SRD5A3: variants seen among roughly 807,000 people sequenced by gnomAD.
The protein encoded by SRD5A3 is polyprenal reductase.
Under a neutral mutation model 34.3 loss-of-function variants are expected in SRD5A3, and 24 were observed. The ratio of observed to expected loss-of-function variants is 0.70; its 90% CI spans 0.51 to 0.99. The LOEUF (loss-of-function observed/expected upper bound fraction) is 0.99. Ranked by LOEUF, SRD5A3 falls within the 50% of genes least tolerant of loss-of-function variation. The pLI is 0.00. For synonymous variants in SRD5A3, 161 were observed against 167.3 expected (o/e 0.96, Z 0.29); for missense variants, 350 against 388.2 (o/e 0.90, Z 0.83).
chr4:55,363,474 A>G (rs1182660683), intron 2 of SRD5A3, among the ~76,000 whole-genome samples: 1 of 152,192 alleles, frequency 6.6e-6, no homozygotes, highest in East Asian at 1.9e-4. Flanking sequence ...CCAAAAAATA[A>G]AAAACAAAAA....
rs1720078253 is a variant in SRD5A3 at position 55,370,357 on chromosome 4, TA to T, written c.*271del. 2.0e-6 allele frequency: 1 copy of T among 501,174 alleles called. No homozygotes were observed. Among genetic ancestry groups the T allele is most frequent in the Non-Finnish European group, 3.6e-6 (1 of 279,502 alleles). The allele number at this position is 501,174 out of a possible 1,614,324, so 31.0% of individuals were successfully genotyped here. On this transcript the variant is annotated 3_prime_UTR_variant, in exon 5 of 5. Transcript: ENST00000264228. The stretch of plus-strand genomic sequence containing the variant: ...ATGCTTTCTAAAACCAACCAACTGA[TA>T]AAAAGTAGATGAGACTTCTCCAAGC...
At position 55,370,470 on chromosome 4, in the gene SRD5A3, C is replaced by G; in HGVS notation, c.*379C>G. 1 of 261,388 alleles carries G rather than the reference C, an allele frequency of 3.8e-6. No homozygotes were observed. The highest frequency in any genetic ancestry group is 7.2e-6 in the Non-Finnish European group (1 of 139,316). The allele number at this position is 261,388 out of a possible 1,614,324, so 16.2% of individuals were successfully genotyped here. On this transcript the variant is annotated 3_prime_UTR_variant, in exon 5 of 5. Transcript: ENST00000264228. ...ACACACACACACACACACACACACACACAAAGGAAGATCATCAATGGCTGC... is the reference window on the plus strand; with the variant it reads ...ACACACACACACACACACACACACAGACAAAGGAAGATCATCAATGGCTGC...
intron 4 of SRD5A3, 53 bp from the exon 5 acceptor site, chr4:55,369,779 A>G: frequency 1.2e-6 from 2 of 1,606,642 alleles, no homozygotes; most frequent in Non-Finnish European, 1.7e-6. Flanking sequence ...GAAGTGGTGA[A>G]ACTTTCTTTT....
chr4:55,347,041 C>T (rs1476605265), intron 1 of SRD5A3, among the ~76,000 whole-genome samples: 2 of 152,220 alleles, frequency 1.3e-5, no homozygotes, highest in Admixed American at 1.3e-4. Flanking sequence ...CCCCGTTTCT[C>T]TTCCCAACCC....
intron 1 of SRD5A3, among the ~76,000 whole-genome samples, chr4:55,354,379 C>T (rs148594091): frequency 4.3e-4 from 65 of 152,212 alleles, no homozygotes; most frequent in African/African-American, 1.3e-3. Context: ...ACAGGCCTGA[C>T]GCACCGCGCT....
Position 55,346,402 on chromosome 4 carries a change from G to A in SRD5A3, c.66G>A (p.Leu22=), listed in dbSNP as rs1343641854. 1 of 1,589,530 alleles carries A rather than the reference G, an allele frequency of 6.3e-7. No homozygotes were observed. Residue 22 remains leucine, a synonymous_variant, in exon 1 of 5, where the codon CTG becomes CTA. Transcript: ENST00000264228. ...LNPLRAVWLT[L]TAAFLLTLLL... is the part of the protein sequence containing the mutation. Reference sequence around the variant, plus strand: ...CGCTGCGCGCGGTGTGGCTCACGCTGACCGCCGCCTTCCTGCTGACCCTAC... The same window carrying A: ...CGCTGCGCGCGGTGTGGCTCACGCTAACCGCCGCCTTCCTGCTGACCCTAC...
At chr4:55,353,783 AC>A (rs1288072386) in intron 1 of SRD5A3, among the ~76,000 whole-genome samples, 1 of 152,206 alleles carries the variant, frequency 6.6e-6, no homozygotes, top group African/African-American at 2.4e-5. Context: ...GTCAAGCGCA[AC>A]ACAAACCCAC....
intron 2 of SRD5A3, among the ~76,000 whole-genome samples, chr4:55,362,101 C>T (rs73149762): frequency 0.034 from 5,086 of 151,472 alleles, 277 homozygotes; most frequent in African/African-American, 0.12. Context: ...CGTGCCTACA[C>T]TAGGGGGTGC....
At chr4:55,369,795 C>G (rs778128730) in intron 4 of SRD5A3, 37 bp from the exon 5 acceptor site, 1 of 1,613,120 alleles carries the variant, frequency 6.2e-7, no homozygotes, top group Non-Finnish European at 8.5e-7. Context: ...CTTTTCAAAC[C>G]TTTAAATGCT....
At chr4:55,353,814 A>G (rs1719313893) in intron 1 of SRD5A3, among the ~76,000 whole-genome samples, 1 of 152,176 alleles carries the variant, frequency 6.6e-6, no homozygotes, top group Non-Finnish European at 1.5e-5. Context: ...GAAACTCCAG[A>G]CACATCTGAA....
intron 1 of SRD5A3, among the ~76,000 whole-genome samples, chr4:55,350,649 TG>T (rs1303614106): frequency 6.6e-6 from 1 of 152,200 alleles, no homozygotes; most frequent in Non-Finnish European, 1.5e-5. Context: ...AATTTTGAAA[TG>T]TATAACACTC....
At chr4:55,363,570 A>G (rs73149767) in intron 2 of SRD5A3, among the ~76,000 whole-genome samples, 3,230 of 152,330 alleles carry the variant, frequency 0.021, 120 homozygotes, top group African/African-American at 0.074. Flanking sequence ...AAGACAGGTG[A>G]GGAAGTAGAT....
rs1719600394 is a variant in SRD5A3 at position 55,359,553 on chromosome 4, G to A, written c.364+65G>A. On this transcript the variant is annotated intron_variant, in intron 2 of 4. Transcript: ENST00000264228. The stretch of plus-strand genomic sequence containing the variant: ...TTCTGTTGTTCCTGTCTGCAAGGGA[G>A]CAGTTTTTGGCATTTTGTCTCCTCT... 8 of 1,606,080 alleles carry A rather than the reference G, an allele frequency of 5.0e-6. No homozygotes were observed. In the South Asian group the frequency reaches 7.7e-5, roughly 15 times the overall value.
chr4:55,362,131 C>CTTTTT (rs11356354), intron 2 of SRD5A3, among the ~76,000 whole-genome samples: 1 of 142,818 alleles, frequency 7.0e-6, no homozygotes, highest in African/African-American at 2.6e-5. Flanking sequence ...TCTGTTTCTT[C>CTTTTT]TTTTTTTTTT....
chr4:55,347,164 A>G (rs980907474), intron 1 of SRD5A3, among the ~76,000 whole-genome samples: 2 of 152,248 alleles, frequency 1.3e-5, no homozygotes, highest in Non-Finnish European at 2.9e-5. Context: ...GCTCCATTTG[A>G]CTTTCGAAAA....
chr4:55,368,734 ATTTAT>A (rs1426780165), intron 4 of SRD5A3, among the ~76,000 whole-genome samples: 3 of 144,204 alleles, frequency 2.1e-5, no homozygotes, highest in Non-Finnish European at 4.5e-5. Context: ...CCTATTATTT[ATTTAT>A]TTTATTTATT....
chr4:55,358,408 A>G (rs1459579320), intron 1 of SRD5A3, among the ~76,000 whole-genome samples: 1 of 151,948 alleles, frequency 6.6e-6, no homozygotes, highest in East Asian at 1.9e-4. Flanking sequence ...GACTACTACA[A>G]GCCTGTGGTC....
At chr4:55,365,525 A>G (rs1459430229) in intron 3 of SRD5A3, 1 of 152,276 alleles carries the variant, frequency 6.6e-6, no homozygotes, top group Non-Finnish European at 1.5e-5. Flanking sequence ...CCTGGTGGGC[A>G]GTGCTGGTTC....
Position 55,359,508 on chromosome 4 carries a change from A to G in SRD5A3, c.364+20A>G. On this transcript the variant is annotated intron_variant, in intron 2 of 4. Coordinates refer to ENST00000264228, the MANE Select transcript of SRD5A3 (RefSeq NM_024592.5). ...TCCAGGGTAAGGACTCCCTGGGCTT[A>G]TGACAACGCTGCATCCCGTTTCTGT... The G allele has an allele frequency of 6.2e-7, 1 of 1,613,716 alleles. No homozygotes were observed.
Sources: allele counts gnomAD v4.1 joint callset (sites outside exome capture counted in the v4.1 genomes callset), GRCh38; gene constraint gnomAD v4.1.1; transcripts MANE v1.5; gene names NCBI Gene and HGNC (gene_info 2026-07-23, HGNC 2026-07-21).